CEP164: variants seen among roughly 807,000 people sequenced by gnomAD.
CEP164 encodes the protein centrosomal protein of 164 kDa.
A neutral mutation model predicts 182.7 loss-of-function variants in CEP164; 162 were observed. That is an observed-to-expected ratio of 0.89 (90% CI 0.78 to 1.01). CEP164 has a LOEUF of 1.01. CEP164 is among the 50% of genes least tolerant of loss of function. The pLI is 0.00. For synonymous variants in CEP164, 661 were observed against 690.0 expected, an observed-to-expected ratio of 0.96 and a Z score of 0.66; for missense variants, 1,735 against 1,790.4, an observed-to-expected ratio of 0.97 and a Z score of 0.56.
intron 4 of CEP164, among the ~76,000 whole-genome samples, chr11:117,345,635 TG>T (rs57315779): frequency 0.16 from 24,800 of 152,128 alleles, 2,279 homozygotes; most frequent in East Asian, 0.37. Context: ...TACTGTCAGC[TG>T]AAGAATCACA....
intron 14 of CEP164, chr11:117,386,910 G>A (rs1402661964): frequency 1.1e-5 from 4 of 375,604 alleles, no homozygotes; most frequent in Non-Finnish European, 1.9e-5. Context: ...CAGCTCTTGA[G>A]CCGCAGCTTC....
intron 4 of CEP164, among the ~76,000 whole-genome samples, chr11:117,346,162 A>G (rs934736889): frequency 1.3e-5 from 2 of 152,136 alleles, no homozygotes; most frequent in Non-Finnish European, 2.9e-5. Context: ...GGAAACTGTC[A>G]TTGGTTATGG....
intron 27 of CEP164, among the ~76,000 whole-genome samples, chr11:117,403,064 T>C (rs1382449010): frequency 6.6e-6 from 1 of 152,234 alleles, no homozygotes; most frequent in Non-Finnish European, 1.5e-5. Flanking sequence ...ATGTGTGTCT[T>C]TGCACACGAG....
chr11:117,363,700 C>T (rs2041275203), intron 8 of CEP164, among the ~76,000 whole-genome samples, 194 bp downstream of exon 8: 1 of 150,468 alleles, frequency 6.6e-6, no homozygotes, highest in Admixed American at 6.7e-5. Flanking sequence ...CAGACCCTGC[C>T]TCTAAACAAA....
chr11:117,403,888 C>G (rs1338828716), intron 27 of CEP164, among the ~76,000 whole-genome samples: 1 of 151,922 alleles, frequency 6.6e-6, no homozygotes, highest in Non-Finnish European at 1.5e-5. Flanking sequence ...TGTCTTCACG[C>G]TTTATTTCAT....
At chr11:117,379,482 A>C (rs1194710883) in intron 11 of CEP164, among the ~76,000 whole-genome samples, 2 of 152,210 alleles carry the variant, frequency 1.3e-5, no homozygotes, top group Admixed American at 1.3e-4. Context: ...GAAGGAGTGC[A>C]GGTCCTAGGA....
rs375224721 is a variant in CEP164, at chr11:117,360,965, C to T, written c.394-870C>T. ...TTTTTTTTTTTTTGAGACAGAGTCT[C>T]GCTCTGTCGCTCAGGCTGGAGTGCA... is the stretch of plus-strand genomic sequence containing the variant. On this transcript the variant is annotated intron_variant, in intron 5 of 32. Coordinates refer to ENST00000278935, the MANE Select transcript of CEP164 (RefSeq NM_014956.5). 1.1e-4 allele frequency among the ~76,000 whole-genome samples: 16 copies of T among 140,436 alleles called. No homozygotes were observed. In the East Asian group the frequency reaches 2.5e-3, roughly 22 times the overall value. 92.1% of individuals were successfully genotyped at this position (140,436 alleles called of 152,430 possible). A position where few individuals can be genotyped will look rare whatever the true frequency, so the allele number is the denominator to read the frequency against.
At position 117,391,172 on chromosome 11, in the gene CEP164, C is replaced by G; in HGVS notation, c.2240C>G (p.Ala747Gly). 1 of 1,612,984 alleles carries G rather than the reference C, an allele frequency of 6.2e-7. No individual in the cohort carries two copies. The highest frequency in any genetic ancestry group is 8.5e-7 in the Non-Finnish European group (1 of 1,179,816). Residue 747 changes from alanine (A) to glycine (G), a missense_variant, in exon 17 of 33, where the codon GCT (alanine) becomes GGT (glycine). Transcript: ENST00000278935. ...QAALNAAKEK[A>G]LQQLREQLEG... ...GCCCTGAATGCTGCAAAGGAGAAGGCTCTGCAGCAGCTGAGGGAGCAGCTG... is the reference window on the plus strand; with the variant it reads ...GCCCTGAATGCTGCAAAGGAGAAGGGTCTGCAGCAGCTGAGGGAGCAGCTG...
In CEP164 at chr11:117,362,465, A is replaced by G. The variant is rs753078424; in HGVS notation, c.614A>G (p.Asp205Gly). 1.2e-6 allele frequency: 2 copies of G among 1,613,694 alleles called. No individual in the cohort carries two copies. Among genetic ancestry groups the G allele is most frequent in the Admixed American group, 1.7e-5 (1 of 60,016 alleles). The change falls in exon 7 of 33, where the codon GAC becomes GGC. Residue 205 changes from aspartate to glycine, a missense_variant. Coordinates refer to ENST00000278935, the MANE Select transcript of CEP164 (RefSeq NM_014956.5). ...GGTCTCTTGGGCTCCATATATGAGG[A>G]CAAGACTGCTCTCAGCCTCTTGGGT... ...TKGLLGSIYEDKTALSLLGLG... is the reference protein window; with the variant it reads ...TKGLLGSIYEGKTALSLLGLG...
At chr11:117,397,399 T>C in intron 27 of CEP164, 86 bp downstream of exon 27, 2 of 1,328,628 alleles carry the variant, frequency 1.5e-6, no homozygotes, top group Non-Finnish European at 2.1e-6. Context: ...TCCCCCTCAG[T>C]TGGTCATTCT....
In CEP164 at chr11:117,394,395, C is replaced by G. The variant is rs142044303; in HGVS notation, c.2662C>G (p.Leu888Val). 9.3e-5 allele frequency: 150 copies of G among 1,611,810 alleles called. No homozygotes were observed. The African/African-American group carries it at 1.6e-3, about 17-fold the overall frequency. The change falls in exon 21 of 33, where the codon CTG (leucine) becomes GTG (valine). Residue 888 changes from leucine (L) to valine (V), a missense_variant. Coordinates refer to ENST00000278935, the MANE Select transcript of CEP164 (RefSeq NM_014956.5). This position sits in a 1 kb window ranked among gnomAD's most constrained non-coding sequence, Gnocchi z 4.0. ...GCTTCTGGGGCACCTGACCGGAGAGCTGGAGCGCCTGCAGAGGGCCCATGA... is the reference window on the plus strand; with the variant it reads ...GCTTCTGGGGCACCTGACCGGAGAGGTGGAGCGCCTGCAGAGGGCCCATGA... ...AELLGHLTGE[L>V]ERLQRAHERE... is the part of the protein sequence containing the mutation.
rs777253181 is a variant in CEP164 at position 117,410,811 on chromosome 11, T to C, written c.4097-17T>C. 2.5e-6 allele frequency: 4 copies of C among 1,610,286 alleles called. No homozygotes were observed. In the South Asian group the frequency reaches 4.4e-5, roughly 18 times the overall value. On this transcript the variant is annotated splice_polypyrimidine_tract_variant and intron_variant, in intron 30 of 32. Coordinates refer to ENST00000278935, the MANE Select transcript of CEP164 (RefSeq NM_014956.5). ...GACCACTGCCCATTTCTGAGTCCTGTCCCCATGCTCTTCCAGCTGGCATCC... is the reference window on the plus strand; with the variant it reads ...GACCACTGCCCATTTCTGAGTCCTGCCCCCATGCTCTTCCAGCTGGCATCC...
intron 4 of CEP164, among the ~76,000 whole-genome samples, chr11:117,349,508 A>C (rs187855615): frequency 2.6e-5 from 4 of 152,090 alleles, no homozygotes; most frequent in African/African-American, 9.6e-5. Flanking sequence ...TTTTTCTTAG[A>C]GATAGGGTAT....
intron 4 of CEP164, 98 bp downstream of exon 4, chr11:117,344,375 T>C: frequency 2.6e-6 from 2 of 769,750 alleles, no homozygotes; most frequent in South Asian, 1.7e-5. Context: ...TTTCCAAGCC[T>C]ATCCTGTACA....
In CEP164 at chr11:117,409,260, G is replaced by A. The variant is rs996736741; in HGVS notation, c.3748+232G>A. The A allele has an allele frequency of 1.1e-5, 7 of 611,506 alleles. No individual in the cohort carries two copies. The highest frequency in any genetic ancestry group is 7.4e-5 in the African/African-American group (4 of 54,116). 37.9% of individuals were successfully genotyped at this position (611,506 alleles called of 1,614,324 possible). A position where few individuals can be genotyped will look rare whatever the true frequency, so the allele number is the denominator to read the frequency against. ...TGAATGCTGCAGAGCACTCTACGGT[G>A]TGACCACTGGCCTTGCTGGCCTCTT... is the stretch of plus-strand genomic sequence containing the variant. On this transcript the variant is annotated intron_variant, in intron 29 of 32. Coordinates refer to ENST00000278935, the MANE Select transcript of CEP164 (RefSeq NM_014956.5). The surrounding 1 kb of genome is among the most constrained non-coding windows in gnomAD (Gnocchi z 4.4).
At chr11:117,334,089 TTC>T (rs1417815626) in intron 1 of CEP164, among the ~76,000 whole-genome samples, 1 of 152,230 alleles carries the variant, frequency 6.6e-6, no homozygotes, top group African/African-American at 2.4e-5. Context: ...AATTATACAT[TTC>T]TCTGTGACTG....
At chr11:117,406,799 A>C (rs1199593282) in intron 27 of CEP164, among the ~76,000 whole-genome samples, 1 of 152,150 alleles carries the variant, frequency 6.6e-6, no homozygotes, top group African/African-American at 2.4e-5. Context: ...GGCCCTTAGA[A>C]ATCTGATGGT....
At chr11:117,383,439 A>C (rs1375242000) in intron 14 of CEP164, among the ~76,000 whole-genome samples, 1 of 151,980 alleles carries the variant, frequency 6.6e-6, no homozygotes, top group Non-Finnish European at 1.5e-5. Flanking sequence ...CCAGATCTTC[A>C]CTGTTCTGGC....
chr11:117,363,365 C>A, intron 7 of CEP164, 64 bp from the exon 8 acceptor site: 1 of 1,232,910 alleles, frequency 8.1e-7, no homozygotes, highest in Non-Finnish European at 1.2e-6. Flanking sequence ...TCCCTCTGCA[C>A]ACCCCTCACC....
Sources: allele counts gnomAD v4.1 joint callset (sites outside exome capture counted in the v4.1 genomes callset), GRCh38; gene constraint gnomAD v4.1.1; non-coding constraint Gnocchi (gnomAD v3.1); transcripts MANE v1.5; gene names NCBI Gene and HGNC (gene_info 2026-07-23, HGNC 2026-07-21).